The following ZDHHC14 variants were observed in gnomAD, a reference collection of about 807,000 sequenced individuals.
ZDHHC14 encodes the protein palmitoyltransferase ZDHHC14.
In ZDHHC14, 16 loss-of-function variants were observed where a neutral mutation model predicts 47.7. The observed-to-expected ratio is 0.34, with a 90% CI of 0.23 to 0.51. ZDHHC14 has a LOEUF of 0.51. Among genes scored for constraint, ZDHHC14 ranks in the 20% least tolerant of loss-of-function variants. The pLI is 0.97. For synonymous variants in ZDHHC14, 293 were observed against 278.9 expected (o/e 1.05, Z -0.50); for missense variants, 515 against 662.5 (o/e 0.78, Z 2.44).
intron 1 of ZDHHC14, among the ~76,000 whole-genome samples, chr6:157,383,185 A>G (rs574075362): frequency 6.6e-6 from 1 of 152,326 alleles, no homozygotes; most frequent in African/African-American, 2.4e-5. Context: ...CCACATTCCA[A>G]TCAATTTTGG....
chr6:157,526,314 T>G (rs546682887), intron 1 of ZDHHC14, among the ~76,000 whole-genome samples: 1 of 152,334 alleles, frequency 6.6e-6, no homozygotes, highest in South Asian at 2.1e-4. Context: ...AGACTCAGAA[T>G]AAGGGACTTT....
intron 1 of ZDHHC14, among the ~76,000 whole-genome samples, chr6:157,430,155 A>C (rs1180605345): frequency 6.6e-6 from 1 of 152,088 alleles, no homozygotes; most frequent in Non-Finnish European, 1.5e-5. Flanking sequence ...TCTCTACTAA[A>C]AAATACACAA....
Position 157,515,528 on chromosome 6 carries a change from A to G in ZDHHC14, c.246-27057A>G, listed in dbSNP as rs908998452. Among the ~76,000 whole-genome samples the G allele has an allele frequency of 3.7e-5, 5 of 134,080 alleles. No individual in the cohort carries two copies. The South Asian group carries it at 6.9e-4, about 19-fold the overall frequency. The allele number at this position is 134,080 out of a possible 152,430, so 88.0% of individuals were successfully genotyped here. On this transcript the variant is annotated intron_variant, in intron 1 of 8. Coordinates refer to ENST00000359775, the MANE Select transcript of ZDHHC14 (RefSeq NM_024630.3). ...CCAGGCTGGAATGCAGTGGCGCGCT[A>G]TCTCCGCTCACTGCAAGCTCCGCCT...
intron 1 of ZDHHC14, among the ~76,000 whole-genome samples, chr6:157,507,979 A>G (rs1051097405): frequency 2.6e-5 from 4 of 152,242 alleles, no homozygotes; most frequent in African/African-American, 9.6e-5. Flanking sequence ...TGGGTATACA[A>G]ATATGAATGG....
At chr6:157,647,723 G>C (rs1777633206) in intron 7 of ZDHHC14, among the ~76,000 whole-genome samples, 2 of 152,222 alleles carry the variant, frequency 1.3e-5, no homozygotes, top group African/African-American at 4.8e-5. Flanking sequence ...TGTGCAGGAA[G>C]GAAGCAGCCA....
In ZDHHC14 at chr6:157,582,339, G is replaced by A. The variant is rs1783547803; in HGVS notation, c.407-10649G>A. On this transcript the variant is annotated intron_variant, in intron 2 of 8. Transcript: ENST00000359775. The surrounding 1 kb of genome is among the most constrained non-coding windows in gnomAD (Gnocchi z 4.3). ...GGTTGCTTTATAGAGTCACCAGTCT[G>A]TGTACTTGAGTGTGTTTTTGTAGTG... Among the ~76,000 whole-genome samples the A allele has an allele frequency of 6.6e-6, 1 of 152,216 alleles. No individual in the cohort carries two copies. The highest frequency in any genetic ancestry group is 1.5e-5 in the Non-Finnish European group (1 of 68,044).
intron 3 of ZDHHC14, among the ~76,000 whole-genome samples, chr6:157,624,519 A>G (rs1785325435): frequency 1.3e-5 from 2 of 152,242 alleles, no homozygotes; most frequent in African/African-American, 4.8e-5. Flanking sequence ...CTTTGAAGCC[A>G]TGGTGTCCTA....
intron 1 of ZDHHC14, among the ~76,000 whole-genome samples, chr6:157,399,052 G>T (rs535199346): frequency 6.6e-6 from 1 of 152,358 alleles, no homozygotes; most frequent in South Asian, 2.1e-4. Flanking sequence ...CTGCATGACT[G>T]TTTTCCAGAA....
chr6:157,552,150 C>G (rs2114823842), intron 2 of ZDHHC14, among the ~76,000 whole-genome samples: 1 of 152,158 alleles, frequency 6.6e-6, no homozygotes, highest in East Asian at 1.9e-4. Flanking sequence ...ACTGTAGGTA[C>G]TGCAAAATAA....
At chr6:157,448,233 A>G (rs1415790478) in intron 1 of ZDHHC14, among the ~76,000 whole-genome samples, 1 of 152,118 alleles carries the variant, frequency 6.6e-6, no homozygotes, top group African/African-American at 2.4e-5. Flanking sequence ...GTCTGACTTC[A>G]AGTAACTGAA....
chr6:157,623,860 TTAAA>T (rs1475463111), intron 3 of ZDHHC14, among the ~76,000 whole-genome samples: 5 of 152,172 alleles, frequency 3.3e-5, no homozygotes, highest in Non-Finnish European at 7.4e-5. Context: ...AATACATCTT[TTAAA>T]TAAAGGAATC....
intron 1 of ZDHHC14, among the ~76,000 whole-genome samples, chr6:157,430,505 T>C (rs1778317750): frequency 6.6e-6 from 1 of 152,200 alleles, no homozygotes; most frequent in African/African-American, 2.4e-5. Context: ...GGCTTGTGGC[T>C]GCCTTCCTCT....
intron 1 of ZDHHC14, among the ~76,000 whole-genome samples, chr6:157,478,732 A>T (rs751603405): frequency 6.6e-6 from 1 of 152,234 alleles, no homozygotes; most frequent in Non-Finnish European, 1.5e-5. Context: ...TAGAAAGTTC[A>T]TCTTTATATC....
rs9456384 is a variant in ZDHHC14, at chr6:157,485,099, A to G, written c.246-57486A>G. Among the ~76,000 whole-genome samples, 422 of 151,990 alleles carry G rather than the reference A, an allele frequency of 2.8e-3. 2 individuals carry two copies. Among genetic ancestry groups the G allele is most frequent in the African/African-American group, 9.5e-3 (394 of 41,268 alleles). On this transcript the variant is annotated intron_variant, in intron 1 of 8. Coordinates refer to ENST00000359775, the MANE Select transcript of ZDHHC14 (RefSeq NM_024630.3). ...GCAACAGAGCAAGACTCTGTCTCAA[A>G]AAACCAATAAAAATAAATAAAATAA...
chr6:157,400,647 C>T (rs1194788451), intron 1 of ZDHHC14, among the ~76,000 whole-genome samples: 2 of 152,232 alleles, frequency 1.3e-5, no homozygotes, highest in Admixed American at 6.5e-5. Context: ...CTGAGTCCCT[C>T]GCTGCTGCCC....
At chr6:157,446,529 C>T (rs1190317448) in intron 1 of ZDHHC14, among the ~76,000 whole-genome samples, 1 of 152,120 alleles carries the variant, frequency 6.6e-6, no homozygotes, top group Non-Finnish European at 1.5e-5. Context: ...CCTGCCTCGG[C>T]CTCCCGAATA....
intron 1 of ZDHHC14, among the ~76,000 whole-genome samples, chr6:157,429,085 G>C (rs1778284134): frequency 6.6e-6 from 1 of 152,130 alleles, no homozygotes; most frequent in African/African-American, 2.4e-5. Context: ...TGGGGGCGTG[G>C]GGGAAGGGAA....
intron 1 of ZDHHC14, among the ~76,000 whole-genome samples, chr6:157,482,314 G>A (rs1430699150): frequency 5.6e-5 from 8 of 142,798 alleles, no homozygotes; most frequent in Non-Finnish European, 1.2e-4. Context: ...AGGCTGGAGT[G>A]CAGTGGCACG....
At chr6:157,528,540 G>A (rs935708049) in intron 1 of ZDHHC14, among the ~76,000 whole-genome samples, 1 of 152,124 alleles carries the variant, frequency 6.6e-6, no homozygotes, top group South Asian at 2.1e-4. Context: ...GACCATCCTG[G>A]CTAACATGGT....
Sources: allele counts gnomAD v4.1 joint callset (sites outside exome capture counted in the v4.1 genomes callset), GRCh38; gene constraint gnomAD v4.1.1; non-coding constraint Gnocchi (gnomAD v3.1); transcripts MANE v1.5; gene names NCBI Gene and HGNC (gene_info 2026-07-23, HGNC 2026-07-21).